The following GABRB2 variants were observed in gnomAD, a reference collection of about 807,000 sequenced individuals.
GABRB2 encodes gamma-aminobutyric acid type A receptor subunit beta2, also known as gamma-aminobutyric acid receptor subunit beta-2.
GABRB2 carries 16 observed loss-of-function variants against 54.7 expected under a neutral mutation model. The observed-to-expected ratio is 0.29, with a 90% confidence interval of 0.20 to 0.44. GABRB2 has a LOEUF of 0.44. Ranked by LOEUF, GABRB2 falls within the 20% of genes least tolerant of loss-of-function variation. The probability of loss-of-function intolerance (pLI) is 1.00; values close to 1 mark genes in which losing one functional copy is unlikely to be tolerated. For synonymous variants in GABRB2, 244 were observed against 233.8 expected (o/e 1.04, Z -0.40); for missense variants, 355 against 644.0 (o/e 0.55, Z 4.86).
Position 161,294,250 on chromosome 5 carries a change from T to C in GABRB2, c.1370A>G (p.Glu457Gly). The change falls in exon 10 of 10, where the codon GAA becomes GGA. Residue 457 changes from glutamate (E) to glycine (G), a missense_variant. Coordinates refer to ENST00000393959, the MANE Select transcript of GABRB2 (RefSeq NM_001371727.1). Reference sequence around the variant, plus strand: ...ACTTTTCTTTTGCGCCACATGTCGTTCCAGAGCATTTCGGCCAAAACTATG... The same window carrying C: ...ACTTTTCTTTTGCGCCACATGTCGTCCCAGAGCATTTCGGCCAAAACTATG... ...PRHSFGRNAL[E>G]RHVAQKKSRL... The C allele has an allele frequency of 1.2e-6, 2 of 1,614,138 alleles. No individual in the cohort carries two copies. Among genetic ancestry groups the C allele is most frequent in the Non-Finnish European group, 1.7e-6 (2 of 1,180,004 alleles).
chr5:161,442,044 G>A (rs1757482391), intron 4 of GABRB2, among the ~76,000 whole-genome samples: 1 of 152,062 alleles, frequency 6.6e-6, no homozygotes, highest in Admixed American at 6.6e-5. Context: ...GACCTATAGG[G>A]TGACTATAGT....
intron 5 of GABRB2, among the ~76,000 whole-genome samples, chr5:161,354,516 TCTC>T (rs968463590): frequency 3.9e-5 from 6 of 151,946 alleles, no homozygotes; most frequent in Non-Finnish European, 2.9e-5. Flanking sequence ...TTCATCGAAT[TCTC>T]CTTGTCTCCC....
chr5:161,516,235 A>G lies in GABRB2; in HGVS notation c.237+28992T>C, dbSNP rs76595585. ...CTTTGGATACATATATTGACCATCA[A>G]TATTTTAGCTAATATCAATTGGTTG... On this transcript the variant is annotated intron_variant, in intron 3 of 9. Transcript: ENST00000393959. Among the ~76,000 whole-genome samples, 21 of 152,300 alleles carry G rather than the reference A, an allele frequency of 1.4e-4. No homozygotes were observed. The East Asian group carries it at 4.1e-3, about 29-fold the overall frequency.
At chr5:161,336,474 G>A (rs915995284) in intron 6 of GABRB2, among the ~76,000 whole-genome samples, 158 bp downstream of exon 6, 5 of 152,094 alleles carry the variant, frequency 3.3e-5, no homozygotes, top group South Asian at 2.1e-4. Flanking sequence ...TATGGGTCCC[G>A]AGTAGAACAA....
chr5:161,505,831 A>G (rs1759588836), intron 3 of GABRB2, among the ~76,000 whole-genome samples: 1 of 152,178 alleles, frequency 6.6e-6, no homozygotes, highest in African/African-American at 2.4e-5. Context: ...AACTTTGTAA[A>G]TAATATCAGA....
intron 3 of GABRB2, among the ~76,000 whole-genome samples, chr5:161,521,249 T>G (rs564603746): frequency 2.6e-5 from 4 of 152,062 alleles, no homozygotes; most frequent in South Asian, 2.1e-4. Context: ...TTACCCATAA[T>G]CACTAAAACC....
chr5:161,333,685 C>A (rs2113403103), intron 7 of GABRB2, among the ~76,000 whole-genome samples: 1 of 152,288 alleles, frequency 6.6e-6, no homozygotes, highest in East Asian at 1.9e-4. Context: ...TTCCCCTGAA[C>A]TCACTTGGCC....
At chr5:161,357,830 T>C (rs977837662) in intron 5 of GABRB2, among the ~76,000 whole-genome samples, 2 of 151,978 alleles carry the variant, frequency 1.3e-5, no homozygotes, top group African/African-American at 2.4e-5. Context: ...TCTGAGCAAA[T>C]GGAAGGTTGG....
intron 5 of GABRB2, among the ~76,000 whole-genome samples, chr5:161,341,961 AT>A (rs1754177133): frequency 1.2e-5 from 1 of 81,354 alleles, no homozygotes; most frequent in Non-Finnish European, 3.0e-5. Flanking sequence ...ATATATATAT[AT>A]ATATATACAT....
intron 3 of GABRB2, among the ~76,000 whole-genome samples, chr5:161,515,605 T>C (rs939258227): frequency 6.6e-6 from 1 of 152,176 alleles, no homozygotes; most frequent in Admixed American, 6.6e-5. Flanking sequence ...TTAATTACCA[T>C]GCAAACGTAT....
chr5:161,537,032 G>A (rs1371725348), intron 3 of GABRB2, among the ~76,000 whole-genome samples: 1 of 151,908 alleles, frequency 6.6e-6, no homozygotes. Context: ...CTATCTGGGA[G>A]AAAATTTTCA....
chr5:161,298,957 T>G (rs771091183), intron 9 of GABRB2, among the ~76,000 whole-genome samples: 2 of 152,084 alleles, frequency 1.3e-5, no homozygotes, highest in Non-Finnish European at 2.9e-5. Context: ...AACTGGCTAT[T>G]TTTATGCTTT....
chr5:161,349,607 T>C (rs2113431819), intron 5 of GABRB2, among the ~76,000 whole-genome samples: 1 of 152,160 alleles, frequency 6.6e-6, no homozygotes, highest in South Asian at 2.1e-4. Context: ...AGACTGAAGG[T>C]TCTGTCCAGG....
intron 3 of GABRB2, among the ~76,000 whole-genome samples, chr5:161,534,789 A>T (rs1263222639): frequency 6.6e-6 from 1 of 152,198 alleles, no homozygotes; most frequent in Non-Finnish European, 1.5e-5. Flanking sequence ...AACTGGAAAG[A>T]AAAGAAGAAA....
At chr5:161,514,164 T>C (rs1346855159) in intron 3 of GABRB2, among the ~76,000 whole-genome samples, 1 of 152,148 alleles carries the variant, frequency 6.6e-6, no homozygotes, top group Non-Finnish European at 1.5e-5. Flanking sequence ...TTTGCTTAAA[T>C]GGTTACAAAT....
At chr5:161,423,023 G>A (rs1240285448) in intron 4 of GABRB2, among the ~76,000 whole-genome samples, 3 of 151,904 alleles carry the variant, frequency 2.0e-5, no homozygotes, top group Admixed American at 6.6e-5. Context: ...TCTCTGAAAG[G>A]GAACTATTCC....
chr5:161,390,687 A>C (rs1030248989), intron 5 of GABRB2, among the ~76,000 whole-genome samples: 2 of 152,108 alleles, frequency 1.3e-5, no homozygotes, highest in African/African-American at 4.8e-5. Context: ...AAGTTATTTC[A>C]AAATTTTAAA....
At chr5:161,369,948 C>A (rs1193196201) in intron 5 of GABRB2, among the ~76,000 whole-genome samples, 3 of 152,040 alleles carry the variant, frequency 2.0e-5, no homozygotes, top group Non-Finnish European at 4.4e-5. Context: ...ATTAAATTGT[C>A]TCTGCTTGCC....
At chr5:161,387,128 G>A (rs930581558) in intron 5 of GABRB2, among the ~76,000 whole-genome samples, 9 of 152,094 alleles carry the variant, frequency 5.9e-5, no homozygotes, top group Admixed American at 5.9e-4. Flanking sequence ...TACAATAAAT[G>A]TAATTATTTT....
Sources: allele counts gnomAD v4.1 joint callset (sites outside exome capture counted in the v4.1 genomes callset), GRCh38; gene constraint gnomAD v4.1.1; transcripts MANE v1.5; gene names NCBI Gene and HGNC (gene_info 2026-07-23, HGNC 2026-07-21).